The following MRPL4 variants were observed in gnomAD, a reference collection of about 807,000 sequenced individuals.
MRPL4 encodes large ribosomal subunit protein uL4m.
Under a neutral mutation model 34.1 loss-of-function variants are expected in MRPL4, and 34 were observed. That is an observed-to-expected ratio of 1.00 (90% CI 0.76 to 1.33). MRPL4 has a LOEUF of 1.33. Ranked by LOEUF, MRPL4 falls within the 40% of genes most tolerant of loss-of-function variation. The probability of loss-of-function intolerance (pLI) is 0.00; values close to 1 mark genes in which losing one functional copy is unlikely to be tolerated. For missense variants in MRPL4, 402 were observed against 434.6 expected, an observed-to-expected ratio of 0.92 and a Z score of 0.67; for synonymous variants, 196 against 188.3, an observed-to-expected ratio of 1.04 and a Z score of -0.33.
At position 10,259,623 on chromosome 19, in the gene MRPL4, ATG is replaced by A. The variant is rs1568286025; in HGVS notation, c.749_750del (p.Val250AlafsTer64). 5 of 1,373,454 alleles carry A rather than the reference ATG, an allele frequency of 3.6e-6. No individual in the cohort carries two copies. Among genetic ancestry groups the A allele is most frequent in the Non-Finnish European group, 4.8e-6 (5 of 1,033,550 alleles). The allele number at this position is 1,373,454 out of a possible 1,614,324, so 85.1% of individuals were successfully genotyped here. A position where few individuals can be genotyped will look rare whatever the true frequency, so the allele number is the denominator to read the frequency against. ...GCCCCCACCCCGCCCCCAGGCCTAA[ATG>A]TGCACAGCATGCTCAAGCACCAGAC... On this transcript the variant is annotated frameshift_variant, in exon 9 of 9. Coordinates refer to ENST00000253099, the MANE Select transcript of MRPL4 (RefSeq NM_015956.3). LOFTEE classifies it high-confidence loss of function.
At chr19:10,254,785 C>T in intron 4 of MRPL4, 145 bp downstream of exon 4, 4 of 693,678 alleles carry the variant, frequency 5.8e-6, no homozygotes, top group Non-Finnish European at 9.3e-6. Flanking sequence ...CCGATGGGTC[C>T]ATTTTTGGTT....
intron 5 of MRPL4, among the ~76,000 whole-genome samples, chr19:10,257,367 C>T (rs559258896): frequency 1.3e-5 from 2 of 152,228 alleles, no homozygotes; most frequent in East Asian, 3.9e-4. Context: ...GTGGTGCCAG[C>T]CACCCCATCA....
chr19:10,252,173 T>A, upstream of MRPL4: 1 of 1,447,660 alleles, frequency 6.9e-7, no homozygotes, highest in Non-Finnish European at 9.2e-7. Context: ...TAGGGCGGCG[T>A]CGCGTGCGTG....
In MRPL4 at chr19:10,252,663, G is replaced by C. The variant is rs2039805627; in HGVS notation, c.237G>C (p.Leu79=). 4 of 1,606,638 alleles carry C rather than the reference G, an allele frequency of 2.5e-6. No individual in the cohort carries two copies. Among genetic ancestry groups the C allele is most frequent in the Non-Finnish European group, 3.4e-6 (4 of 1,179,818 alleles). The part of the protein sequence containing the change: ...LRGFEQERVG[L]ADLHPDVFAT... Reference sequence around the variant, plus strand: ...GCTTCGAGCAGGAGCGCGTGGGCCTGGCCGACCTGCACCCCGATGTTTTCG... The same window carrying C: ...GCTTCGAGCAGGAGCGCGTGGGCCTCGCCGACCTGCACCCCGATGTTTTCG... The change falls in exon 3 of 9, where the codon CTG becomes CTC. Residue 79 remains leucine, a synonymous_variant. Coordinates refer to ENST00000253099, the MANE Select transcript of MRPL4 (RefSeq NM_015956.3).
chr19:10,253,930 A>C (rs2039824197), intron 3 of MRPL4, among the ~76,000 whole-genome samples: 1 of 152,222 alleles, frequency 6.6e-6, no homozygotes, highest in Non-Finnish European at 1.5e-5. Context: ...GTATAGAACT[A>C]GAGAGGAAAA....
At chr19:10,259,573 C>G in intron 8 of MRPL4, 44 bp from the exon 9 acceptor site, 1 of 1,543,478 alleles carries the variant, frequency 6.5e-7, no homozygotes, top group Non-Finnish European at 8.7e-7. Flanking sequence ...GAGAGGCAGC[C>G]CCGGCCTGAC....
intron 8 of MRPL4, 92 bp downstream of exon 8, chr19:10,258,777 G>A: frequency 6.2e-7 from 1 of 1,611,094 alleles, no homozygotes; most frequent in Non-Finnish European, 8.5e-7. Context: ...GTCGCTGAGT[G>A]GCCTCAGGCA....
chr19:10,258,988 TA>T, intron 8 of MRPL4: 1 of 1,406,700 alleles, frequency 7.1e-7, no homozygotes, highest in African/African-American at 1.5e-5. Context: ...TAGTCCCAGC[TA>T]CTCGGGGGCT....
chr19:10,259,863 C>G lies in MRPL4; in HGVS notation c.*50C>G, dbSNP rs2039896332. ...GCCGAGCCCCTGGCCGACTTGGGAG[C>G]CTCAGGCCCACGCCCACCCTTCGAG... On this transcript the variant is annotated 3_prime_UTR_variant, in exon 9 of 9. Transcript: ENST00000253099. The G allele has an allele frequency of 6.6e-7, 1 of 1,515,916 alleles. No homozygotes were observed. 93.9% of individuals were successfully genotyped at this position (1,515,916 alleles called of 1,614,324 possible). A position where few individuals can be genotyped will look rare whatever the true frequency, so the allele number is the denominator to read the frequency against.
intron 8 of MRPL4, 94 bp from the exon 9 acceptor site, chr19:10,259,523 C>CT: frequency 1.3e-6 from 2 of 1,524,914 alleles, no homozygotes. Flanking sequence ...GTGACGATCT[C>CT]TGTAAGCACA....
intron 3 of MRPL4, chr19:10,253,012 G>A (rs1338649993): frequency 2.7e-6 from 1 of 365,866 alleles, no homozygotes; most frequent in East Asian, 4.3e-5. Context: ...AGGTTGCTGT[G>A]ATGAATAAAT....
chr19:10,255,946 A>G (rs10402056), intron 4 of MRPL4, among the ~76,000 whole-genome samples: 30,451 of 151,848 alleles, frequency 0.2, 3,268 homozygotes, highest in African/African-American at 0.24. Flanking sequence ...AGGAGTTCCA[A>G]ACCAGCCTAG....
In MRPL4 at chr19:10,258,524, T is replaced by G. The variant is rs780372999; in HGVS notation, c.662+2T>G. On this transcript the variant is annotated splice_donor_variant, in intron 7 of 8. Transcript: ENST00000253099. LOFTEE classifies it high-confidence loss of function. ...GGACTCCGTACTCCTCGTGGACTTGTGAGGGCACAGGGCAGAGCAGGGGCA... is the reference window on the plus strand; with the variant it reads ...GGACTCCGTACTCCTCGTGGACTTGGGAGGGCACAGGGCAGAGCAGGGGCA... 4.3e-6 allele frequency: 7 copies of G among 1,614,004 alleles called. No homozygotes were observed. The highest frequency in any genetic ancestry group is 5.1e-6 in the Non-Finnish European group (6 of 1,179,996).
intron 3 of MRPL4, 116 bp from the exon 4 acceptor site, chr19:10,254,473 C>A: frequency 8.5e-7 from 1 of 1,177,672 alleles, no homozygotes; most frequent in Non-Finnish European, 1.2e-6. Flanking sequence ...CAGTGAGGGG[C>A]AGAGGCAAAT....
At chr19:10,252,061 G>A (rs1370068087), upstream of MRPL4, 11 of 619,212 alleles carry the variant, frequency 1.8e-5, no homozygotes, top group Non-Finnish European at 3.0e-5. Context: ...TGAAAATTGG[G>A]TCTGGGGGTT....
rs200851671 is a variant in MRPL4, at chr19:10,252,443, C to T, written c.104C>T (p.Pro35Leu). 152 of 1,613,962 alleles carry T rather than the reference C, an allele frequency of 9.4e-5. No individual in the cohort carries two copies. The highest frequency in any genetic ancestry group is 3.3e-4 in the Middle Eastern group (2 of 6,082). ...GAGGCAGCGCGTGCGACCGAGAACC[C>T]GGAGCAGGTGGCGAGCGAGGGTAAG... ...AEEAARATENPEQVASEGLPE... is the reference protein window; with the variant it reads ...AEEAARATENLEQVASEGLPE... The change falls in exon 2 of 9, where the codon CCG (proline) becomes CTG (leucine). Residue 35 changes from proline to leucine, a missense_variant. Coordinates refer to ENST00000253099, the MANE Select transcript of MRPL4 (RefSeq NM_015956.3).
At chr19:10,259,262 A>G (rs931523294) in intron 8 of MRPL4, 1 of 1,339,200 alleles carries the variant, frequency 7.5e-7, no homozygotes, top group Non-Finnish European at 9.5e-7. Flanking sequence ...ATGAAAGCCC[A>G]AGTCATCAGG....
intron 8 of MRPL4, chr19:10,259,337 G>A (rs1487297318): frequency 2.2e-6 from 3 of 1,385,806 alleles, no homozygotes; most frequent in Non-Finnish European, 2.8e-6. Context: ...TTTGCCCTGG[G>A]TCTCCCCCAC....
At chr19:10,258,836 T>G (rs2039878863) in intron 8 of MRPL4, 151 bp downstream of exon 8, 2 of 1,577,368 alleles carry the variant, frequency 1.3e-6, no homozygotes, top group Non-Finnish European at 1.7e-6. Flanking sequence ...AGCAATAATC[T>G]TTCCTAAAGA....
Sources: allele counts gnomAD v4.1 joint callset (sites outside exome capture counted in the v4.1 genomes callset), GRCh38; gene constraint gnomAD v4.1.1; transcripts MANE v1.5; gene names NCBI Gene and HGNC (gene_info 2026-07-23, HGNC 2026-07-21).